EXOC2: variants seen among roughly 807,000 people sequenced by gnomAD.
EXOC2 encodes exocyst complex component 2.
Under a neutral mutation model 131.8 loss-of-function variants are expected in EXOC2, and 70 were observed. That is an observed-to-expected ratio of 0.53 (90% CI 0.44 to 0.65). The LOEUF is 0.65. Ranked by LOEUF, EXOC2 falls within the 30% of genes least tolerant of loss-of-function variation. The pLI is 0.00. For missense variants in EXOC2, 923 were observed against 1,108.6 expected (o/e 0.83, Z 2.38); for synonymous variants, 411 against 398.4 (o/e 1.03, Z -0.38).
chr6:611,696 C>A (rs1389861468), intron 6 of EXOC2, among the ~76,000 whole-genome samples: 1 of 152,204 alleles, frequency 6.6e-6, no homozygotes, highest in Non-Finnish European at 1.5e-5. Flanking sequence ...GTCTGGTTCA[C>A]TTGACCTTTT....
chr6:584,766 A>AC (rs1285193971), intron 11 of EXOC2, among the ~76,000 whole-genome samples: 1 of 152,260 alleles, frequency 6.6e-6, no homozygotes, highest in Non-Finnish European at 1.5e-5. Context: ...TGCCTACTGA[A>AC]CCCTAATTCT....
chr6:594,820 C>T (rs1186652231), intron 10 of EXOC2, among the ~76,000 whole-genome samples: 6 of 152,170 alleles, frequency 3.9e-5, no homozygotes, highest in African/African-American at 1.4e-4. Flanking sequence ...AAATAAGTTT[C>T]TTGTTTCCTT....
At position 656,803 on chromosome 6, in the gene EXOC2, C is replaced by G. The variant is rs778160260; in HGVS notation, c.-43-18942G>C. On this transcript the variant is annotated intron_variant, in intron 1 of 27. Transcript: ENST00000230449. ...CACCACAGCCTGGCCTCGTGGAGGCCGCCGGAACCCGCGGGGCCGAAGCAC... is the reference window on the plus strand; with the variant it reads ...CACCACAGCCTGGCCTCGTGGAGGCGGCCGGAACCCGCGGGGCCGAAGCAC... 3 of 1,605,892 alleles carry G rather than the reference C, an allele frequency of 1.9e-6. No homozygotes were observed. The Admixed American group carries it at 5.1e-5, about 27-fold the overall frequency.
intron 1 of EXOC2, among the ~76,000 whole-genome samples, chr6:655,242 C>T (rs1223163051): frequency 6.6e-6 from 1 of 152,338 alleles, no homozygotes; most frequent in East Asian, 1.9e-4. Flanking sequence ...GAGGTAAAGA[C>T]CTCCCACCAG....
intron 1 of EXOC2, chr6:656,341 T>G: frequency 1.2e-6 from 2 of 1,614,196 alleles, no homozygotes; most frequent in Non-Finnish European, 1.7e-6. Flanking sequence ...TTAAAATAAC[T>G]TTGAATGGAC....
rs78833804 is a variant in EXOC2, at chr6:678,405, T to C, written c.-44+14614A>G. On this transcript the variant is annotated intron_variant, in intron 1 of 27. Transcript: ENST00000230449. ...TCTCTGCAAACTTTAAAGGCCAAAA[T>C]AAAAGTAACCTAGTATTGCTACCAT... Among the ~76,000 whole-genome samples, 1,282 of 152,240 alleles carry C rather than the reference T, an allele frequency of 8.4e-3. 27 individuals carry two copies. Among genetic ancestry groups the C allele is most frequent in the African/African-American group, 0.029 (1,189 of 41,534 alleles).
rs73371955 is a variant in EXOC2, at chr6:595,584, T to G, written c.1073+2437A>C. On this transcript the variant is annotated intron_variant, in intron 10 of 27. Coordinates refer to ENST00000230449, the MANE Select transcript of EXOC2 (RefSeq NM_018303.6). ...TGGCACTACCACCTTTTAAACGATA[T>G]CCAGTAAGTTATATACTCATAAAAA... Among the ~76,000 whole-genome samples, 1,092 of 152,150 alleles carry G rather than the reference T, an allele frequency of 7.2e-3. 29 individuals carry two copies. The highest frequency in any genetic ancestry group is 0.024 in the Middle Eastern group (7 of 294).
intron 22 of EXOC2, among the ~76,000 whole-genome samples, chr6:541,966 T>C (rs1188162323): frequency 1.3e-5 from 2 of 152,212 alleles, no homozygotes; most frequent in South Asian, 2.1e-4. Flanking sequence ...TGCTACAACA[T>C]GGATACATCT....
chr6:495,290 T>TA (rs1763655429), intron 25 of EXOC2, among the ~76,000 whole-genome samples: 1 of 149,090 alleles, frequency 6.7e-6, no homozygotes, highest in Non-Finnish European at 1.5e-5. Flanking sequence ...CGCGCCCGGC[T>TA]AATTTTTTGT....
intron 1 of EXOC2, among the ~76,000 whole-genome samples, chr6:645,385 C>CTTGT (rs2127728302): frequency 6.6e-6 from 1 of 152,242 alleles, no homozygotes; most frequent in African/African-American, 2.4e-5. Flanking sequence ...TAGGTAAAGA[C>CTTGT]TTGTGTTCAA....
In EXOC2 at chr6:599,203, T is replaced by C; in HGVS notation, c.765A>G (p.Thr255=). The C allele has an allele frequency of 6.2e-7, 1 of 1,606,194 alleles. No individual in the cohort carries two copies. The highest frequency in any genetic ancestry group is 2.2e-5 in the East Asian group (1 of 44,660). Residue 255 remains threonine (T), a synonymous_variant, in exon 8 of 28, where the codon ACA becomes ACG. Transcript: ENST00000230449. ...TCCGACCTAATACTTCTTGAAACAATGTGTCTGCAGTATTACTTGCTCCTG... is the reference window on the plus strand; with the variant it reads ...TCCGACCTAATACTTCTTGAAACAACGTGTCTGCAGTATTACTTGCTCCTG... ...VLNRASNTAD[T]LFQEVLGRKD...
chr6:542,776 T>C lies in EXOC2; in HGVS notation c.2238+6399A>G, dbSNP rs3799297. Among the ~76,000 whole-genome samples the C allele has an allele frequency of 1.5e-3, 224 of 152,250 alleles. 2 individuals are homozygous for C. In the East Asian group the frequency reaches 0.017, roughly 11 times the overall value. ...AATGAGTGAATGAACAGAGAAAGTA[T>C]ATGAAATGTTCAAGTAAAGATGAGC... On this transcript the variant is annotated intron_variant, in intron 22 of 27. Transcript: ENST00000230449.
intron 4 of EXOC2, among the ~76,000 whole-genome samples, chr6:623,256 C>T (rs1006176886): frequency 3.9e-5 from 6 of 152,178 alleles, no homozygotes; most frequent in African/African-American, 1.4e-4. Context: ...TTCTGAGATT[C>T]GAGCCCCACC....
intron 24 of EXOC2, among the ~76,000 whole-genome samples, chr6:499,430 A>ACACACACAC (rs1763914173): frequency 1.4e-5 from 2 of 141,642 alleles, no homozygotes; most frequent in Non-Finnish European, 3.1e-5. Flanking sequence ...CTCACAGTTA[A>ACACACACAC]ACACACACAC....
intron 19 of EXOC2, 122 bp downstream of exon 19, chr6:555,832 C>A: frequency 2.0e-6 from 2 of 986,362 alleles, no homozygotes; most frequent in African/African-American, 1.6e-5. Context: ...ATTATGTACA[C>A]AGACAAGATG....
intron 23 of EXOC2, among the ~76,000 whole-genome samples, chr6:517,008 G>T (rs779830828): frequency 5.9e-5 from 9 of 152,298 alleles, no homozygotes; most frequent in Non-Finnish European, 1.3e-4. Context: ...AATGGAAGTG[G>T]TGGTGCTGCT....
intron 4 of EXOC2, among the ~76,000 whole-genome samples, chr6:620,605 T>C (rs1036737860): frequency 2.6e-5 from 4 of 152,204 alleles, no homozygotes; most frequent in Non-Finnish European, 5.9e-5. Flanking sequence ...AGAATTTTAA[T>C]GTGGGTAGGT....
At position 617,773 on chromosome 6, in the gene EXOC2, C is replaced by T; in HGVS notation, c.599G>A (p.Gly200Asp). 1 of 1,613,646 alleles carries T rather than the reference C, an allele frequency of 6.2e-7. No homozygotes were observed. The highest frequency in any genetic ancestry group is 8.5e-7 in the Non-Finnish European group (1 of 1,179,780). ...LKRQANKKSE[G>D]SLAYVKGGLS... ...ACCGCCTTTCACATAGGCCAGGCTGCCCTCACTCTTCTTGTTAGCCTGTCT... is the reference window on the plus strand; with the variant it reads ...ACCGCCTTTCACATAGGCCAGGCTGTCCTCACTCTTCTTGTTAGCCTGTCT... The change falls in exon 6 of 28, where the codon GGC (glycine) becomes GAC (aspartate). Residue 200 changes from glycine (G) to aspartate (D), a missense_variant. By Grantham distance (94) the Gly-to-Asp change is moderately conservative. Coordinates refer to ENST00000230449, the MANE Select transcript of EXOC2 (RefSeq NM_018303.6).
At chr6:609,982 G>T in intron 7 of EXOC2, 116 bp downstream of exon 7, 1 of 736,246 alleles carries the variant, frequency 1.4e-6, no homozygotes, top group Non-Finnish European at 2.3e-6. Context: ...CTACTATTTA[G>T]AAATAAATAG....
Sources: allele counts gnomAD v4.1 joint callset (sites outside exome capture counted in the v4.1 genomes callset), GRCh38; gene constraint gnomAD v4.1.1; transcripts MANE v1.5; gene names NCBI Gene and HGNC (gene_info 2026-07-23, HGNC 2026-07-21).